MYO16: variants seen among roughly 807,000 people sequenced by gnomAD.
MYO16 encodes unconventional myosin-XVI.
A neutral mutation model predicts 205.3 loss-of-function variants in MYO16; 94 were observed. The observed-to-expected ratio is 0.46, with a 90% CI of 0.39 to 0.54. The LOEUF is 0.54. Among genes scored for constraint, MYO16 ranks in the 20% least tolerant of loss-of-function variants. The probability of loss-of-function intolerance (pLI) is 0.00; values close to 1 mark genes in which losing one functional copy is unlikely to be tolerated. For missense variants in MYO16, 2,315 were observed against 2,387.5 expected, an observed-to-expected ratio of 0.97 and a Z score of 0.63; for synonymous variants, 988 against 954.0, an observed-to-expected ratio of 1.04 and a Z score of -0.66.
intron 16 of MYO16, among the ~76,000 whole-genome samples, chr13:108,952,154 TAAATAAAAC>T (rs1369786645): frequency 3.6e-5 from 5 of 139,938 alleles, no homozygotes; most frequent in Admixed American, 2.9e-4. Context: ...AATAAATAAA[TAAATAAAAC>T]GATATATAGT....
chr13:109,051,366 C>T (rs1252104099), intron 24 of MYO16, among the ~76,000 whole-genome samples: 4 of 152,138 alleles, frequency 2.6e-5, no homozygotes, highest in Non-Finnish European at 5.9e-5. Flanking sequence ...AAACTAAACA[C>T]TTTGCCACAA....
chr13:109,187,731 C>T (rs568106209), intron 34 of MYO16, among the ~76,000 whole-genome samples: 73 of 152,294 alleles, frequency 4.8e-4, no homozygotes, highest in African/African-American at 1.8e-3. Flanking sequence ...TGTATGATTT[C>T]AGTTCTCTTA....
At chr13:108,854,977 T>A (rs2139099536) in intron 10 of MYO16, among the ~76,000 whole-genome samples, 1 of 152,354 alleles carries the variant, frequency 6.6e-6, no homozygotes, top group Admixed American at 6.5e-5. Flanking sequence ...CCTACATGAA[T>A]GCAGAATCTA....
chr13:108,988,257 T>G (rs1299977951), intron 20 of MYO16, among the ~76,000 whole-genome samples: 1 of 152,208 alleles, frequency 6.6e-6, no homozygotes, highest in Non-Finnish European at 1.5e-5. Context: ...GGCGTTTTGC[T>G]GGCTGAAAGT....
intron 9 of MYO16, among the ~76,000 whole-genome samples, chr13:108,838,674 A>ATATATAT (rs1286109846): frequency 2.5e-5 from 3 of 117,898 alleles, no homozygotes; most frequent in African/African-American, 1.0e-4. Context: ...TCAAAAAAAA[A>ATATATAT]AAAAATATAT....
the MYO16 span, among the ~76,000 whole-genome samples, chr13:108,526,549 T>C: frequency 1.3e-5 from 2 of 152,212 alleles, no homozygotes; most frequent in Admixed American, 6.5e-5. Flanking sequence ...CAGGAAATGC[T>C]TGGGCAAAAC....
At chr13:108,786,259 TA>T (rs1566328060) in intron 5 of MYO16, among the ~76,000 whole-genome samples, 1 of 152,240 alleles carries the variant, frequency 6.6e-6, no homozygotes, top group Non-Finnish European at 1.5e-5. Flanking sequence ...GCCATGATGC[TA>T]GCCTGAAAAG....
At chr13:108,813,807 C>T (rs1594314709) in intron 7 of MYO16, among the ~76,000 whole-genome samples, 1 of 152,122 alleles carries the variant, frequency 6.6e-6, no homozygotes, top group East Asian at 1.9e-4. Context: ...GAACAGCACA[C>T]TCTACCTGCT....
intron 20 of MYO16, among the ~76,000 whole-genome samples, chr13:108,992,156 A>G (rs1271488195): frequency 6.6e-6 from 1 of 152,180 alleles, no homozygotes; most frequent in African/African-American, 2.4e-5. Flanking sequence ...GTTTTTATAA[A>G]TGTGCATGTG....
intron 4 of MYO16, among the ~76,000 whole-genome samples, chr13:108,767,378 A>G (rs1358612000): frequency 6.6e-6 from 1 of 152,240 alleles, no homozygotes; most frequent in Non-Finnish European, 1.5e-5. Context: ...CTGGGATTAC[A>G]GGCATGAGCC....
At chr13:108,861,540 G>C (rs1878450487) in intron 11 of MYO16, among the ~76,000 whole-genome samples, 1 of 152,068 alleles carries the variant, frequency 6.6e-6, no homozygotes, top group Non-Finnish European at 1.5e-5. Context: ...CCTAGGAGTG[G>C]AATGCCAGCA....
intron 12 of MYO16, 51 bp downstream of exon 12, chr13:108,866,293 A>G: frequency 5.9e-6 from 7 of 1,183,508 alleles, no homozygotes; most frequent in Non-Finnish European, 8.4e-6. Flanking sequence ...AATACTTTCT[A>G]GTCATACATG....
At chr13:108,522,567 T>A in the MYO16 span, among the ~76,000 whole-genome samples, 2 of 152,178 alleles carry the variant, frequency 1.3e-5, no homozygotes, top group Non-Finnish European at 1.5e-5. Flanking sequence ...GGAGATTTAT[T>A]GACTCCCATA....
intron 33 of MYO16, among the ~76,000 whole-genome samples, chr13:109,176,433 T>C (rs1361101703): frequency 6.6e-6 from 1 of 151,786 alleles, no homozygotes; most frequent in African/African-American, 2.4e-5. Flanking sequence ...ATTGTCAATA[T>C]GTTTATTTTT....
chr13:109,173,711 C>T (rs917837024), intron 33 of MYO16, among the ~76,000 whole-genome samples: 3 of 150,888 alleles, frequency 2.0e-5, no homozygotes, highest in Admixed American at 6.6e-5. Context: ...CTGGCTAACA[C>T]GGTGAAACCC....
chr13:108,857,603 T>C (rs1878249007), intron 11 of MYO16, among the ~76,000 whole-genome samples: 2 of 152,350 alleles, frequency 1.3e-5, no homozygotes, highest in East Asian at 1.9e-4. Flanking sequence ...GTTTATGCAC[T>C]TCTCCTTTAA....
intron 12 of MYO16, among the ~76,000 whole-genome samples, chr13:108,874,441 C>T (rs1249107316): frequency 1.3e-5 from 2 of 152,144 alleles, no homozygotes; most frequent in African/African-American, 4.8e-5. Flanking sequence ...GTGCTTATTA[C>T]ATGGCAGAAC....
the MYO16 span, among the ~76,000 whole-genome samples, chr13:108,501,308 T>C: frequency 6.6e-6 from 1 of 152,182 alleles, no homozygotes; most frequent in African/African-American, 2.4e-5. Context: ...GGGGAGATTC[T>C]AGCTTCAACA....
intron 10 of MYO16, among the ~76,000 whole-genome samples, chr13:108,847,936 G>C (rs926791294): frequency 6.6e-6 from 1 of 151,844 alleles, no homozygotes. Flanking sequence ...TAGGTTTAAG[G>C]TTGAAATTGA....
Sources: allele counts gnomAD v4.1 joint callset (sites outside exome capture counted in the v4.1 genomes callset), GRCh38; gene constraint gnomAD v4.1.1; transcripts MANE v1.5; gene names NCBI Gene and HGNC (gene_info 2026-07-23, HGNC 2026-07-21).